LAMA3: variants seen among roughly 807,000 people sequenced by gnomAD.
The protein encoded by LAMA3 is laminin subunit alpha-3.
A neutral mutation model predicts 402.0 loss-of-function variants in LAMA3; 281 were observed. The observed-to-expected ratio is 0.70, with a 90% CI of 0.63 to 0.77. The LOEUF (loss-of-function observed/expected upper bound fraction) is 0.77. LAMA3 is among the 30% of genes least tolerant of loss of function. The probability of loss-of-function intolerance (pLI) is 0.00; values close to 1 mark genes in which losing one functional copy is unlikely to be tolerated. For missense variants in LAMA3, 3,840 were observed against 4,215.5 expected, an observed-to-expected ratio of 0.91 and a Z score of 2.47; for synonymous variants, 1,431 against 1,558.4, an observed-to-expected ratio of 0.92 and a Z score of 1.93.
chr18:23,834,296 G>A (rs747991525), intron 24 of LAMA3: 1 of 376,596 alleles, frequency 2.7e-6, no homozygotes, highest in African/African-American at 2.1e-5. Flanking sequence ...GCGATGCAAT[G>A]AACTCACTGC....
At position 23,747,970 on chromosome 18, in the gene LAMA3, A is replaced by C. The variant is rs769072031; in HGVS notation, c.475A>C (p.Lys159Gln). The C allele has an allele frequency of 6.2e-7, 1 of 1,610,198 alleles. No individual in the cohort carries two copies. The highest frequency in any genetic ancestry group is 1.7e-5 in the Admixed American group (1 of 60,016). ...QLFHVAYILIKFANSPRPDLW... is the reference protein window; with the variant it reads ...QLFHVAYILIQFANSPRPDLW... ...CTTCCATGTGGCCTATATTTTAATC[A>C]AATTTGCAAATTCTCCTCGCCCTGA... The change falls in exon 3 of 75, where the codon AAA becomes CAA. Residue 159 changes from lysine (K) to glutamine (Q), a missense_variant. Coordinates refer to ENST00000313654, the MANE Select transcript of LAMA3 (RefSeq NM_198129.4).
chr18:23,715,793 C>G (rs1458881788), intron 2 of LAMA3, among the ~76,000 whole-genome samples: 1 of 151,922 alleles, frequency 6.6e-6, no homozygotes, highest in Non-Finnish European at 1.5e-5. Context: ...AACAGTTAAG[C>G]ATAGAGTACA....
At chr18:23,930,180 G>T (rs2145389910) in intron 64 of LAMA3, among the ~76,000 whole-genome samples, 1 of 152,232 alleles carries the variant, frequency 6.6e-6, no homozygotes, top group South Asian at 2.1e-4. Flanking sequence ...AAACAAAATT[G>T]AAATGACAAG....
At chr18:23,891,686 A>T (rs927426802) in intron 42 of LAMA3, among the ~76,000 whole-genome samples, 1 of 152,196 alleles carries the variant, frequency 6.6e-6, no homozygotes, top group African/African-American at 2.4e-5. Context: ...ACCTTTAGCT[A>T]TGTGATAAGT....
chr18:23,896,007 T>A (rs1599029629), intron 44 of LAMA3, among the ~76,000 whole-genome samples: 1 of 152,326 alleles, frequency 6.6e-6, no homozygotes, highest in Non-Finnish European at 1.5e-5. Flanking sequence ...ATTTTCTGAT[T>A]TTCCTTGTGA....
intron 1 of LAMA3, among the ~76,000 whole-genome samples, chr18:23,708,189 C>G (rs1052333292): frequency 9.2e-5 from 14 of 152,154 alleles, no homozygotes; most frequent in African/African-American, 3.4e-4. Context: ...ATGTTATATA[C>G]TAAAGCTTCT....
intron 52 of LAMA3, among the ~76,000 whole-genome samples, chr18:23,905,830 T>C (rs1375280108): frequency 6.6e-6 from 1 of 152,208 alleles, no homozygotes; most frequent in Admixed American, 6.5e-5. Flanking sequence ...AGTGGCACAA[T>C]CATAGCTCAC....
intron 27 of LAMA3, among the ~76,000 whole-genome samples, chr18:23,841,784 T>C (rs563907230): frequency 1.3e-5 from 2 of 152,232 alleles, no homozygotes; most frequent in East Asian, 1.9e-4. Flanking sequence ...TACCCAGGCA[T>C]GATGGCACGT....
chr18:23,816,924 C>T (rs1045618239), intron 18 of LAMA3, among the ~76,000 whole-genome samples: 1 of 151,832 alleles, frequency 6.6e-6, no homozygotes, highest in African/African-American at 2.4e-5. Flanking sequence ...GGGGGCAGTG[C>T]GACATACCCA....
intron 5 of LAMA3, among the ~76,000 whole-genome samples, chr18:23,751,333 T>A (rs575953292): frequency 6.6e-6 from 1 of 152,172 alleles, no homozygotes; most frequent in Admixed American, 6.5e-5. Context: ...GTCAGCCTGG[T>A]ACTAGTCTGG....
Position 23,843,998 on chromosome 18 carries a change from C to G in LAMA3, c.3604-1011C>G, listed in dbSNP as rs112603227. On this transcript the variant is annotated intron_variant, in intron 29 of 74. Coordinates refer to ENST00000313654, the MANE Select transcript of LAMA3 (RefSeq NM_198129.4). ...TGCAAAGCCCTCCAGGAAGCATTGC[C>G]CAGACTCTCTGTGTGGCCCTCCAGG... Among the ~76,000 whole-genome samples, 303 of 152,268 alleles carry G rather than the reference C, an allele frequency of 2.0e-3. 1 individual carries two copies. The highest frequency in any genetic ancestry group is 6.5e-3 in the African/African-American group (272 of 41,534).
chr18:23,853,335 G>A (rs1359342234), intron 32 of LAMA3, among the ~76,000 whole-genome samples: 7 of 152,108 alleles, frequency 4.6e-5, no homozygotes, highest in Admixed American at 1.3e-4. Context: ...GTGCAGTGGC[G>A]TGATCTCGGC....
At chr18:23,904,467 A>C in intron 50 of LAMA3, 86 bp from the exon 51 acceptor site, 1 of 1,366,596 alleles carries the variant, frequency 7.3e-7, no homozygotes, top group Non-Finnish European at 1.0e-6. Context: ...AGAAAAAATA[A>C]AAAGAAGAAA....
intron 26 of LAMA3, 80 bp downstream of exon 26, chr18:23,838,958 A>G (rs1240552106): frequency 3.4e-6 from 3 of 876,524 alleles, no homozygotes; most frequent in East Asian, 2.4e-5. Flanking sequence ...TTTATACTCA[A>G]CGTCAGAAAT....
chr18:23,826,901 A>G (rs948926629), intron 22 of LAMA3, 102 bp downstream of exon 22: 6 of 730,218 alleles, frequency 8.2e-6, no homozygotes, highest in South Asian at 1.5e-5. Context: ...CAACGACAGC[A>G]TGATGCTCTG....
At chr18:23,948,791 A>G (rs918937218) in intron 70 of LAMA3, among the ~76,000 whole-genome samples, 2 of 151,992 alleles carry the variant, frequency 1.3e-5, no homozygotes, top group Non-Finnish European at 2.9e-5. Context: ...GCTGGCCTCA[A>G]ACTCCTGACC....
At chr18:23,892,180 G>A (rs1192790494) in intron 42 of LAMA3, among the ~76,000 whole-genome samples, 1 of 152,196 alleles carries the variant, frequency 6.6e-6, no homozygotes, top group Non-Finnish European at 1.5e-5. Context: ...AATTTCTCCT[G>A]TCACTGGAGG....
Position 23,954,764 on chromosome 18 carries a change from T to C in LAMA3, c.*116T>C, listed in dbSNP as rs1007379855. On this transcript the variant is annotated 3_prime_UTR_variant, in exon 75 of 75. Coordinates refer to ENST00000313654, the MANE Select transcript of LAMA3 (RefSeq NM_198129.4). ...CAGGACACAAACCAGACAGGTTTAA[T>C]AGCGAATCTAATTTTGAATTCTGAC... is the stretch of plus-strand genomic sequence containing the variant. 3 of 1,111,938 alleles carry C rather than the reference T, an allele frequency of 2.7e-6. No homozygotes were observed. In the African/African-American group the frequency reaches 4.6e-5, roughly 17 times the overall value. 68.9% of individuals were successfully genotyped at this position (1,111,938 alleles called of 1,614,324 possible).
At chr18:23,782,987 C>A (rs2062466950) in intron 11 of LAMA3, among the ~76,000 whole-genome samples, 1 of 152,134 alleles carries the variant, frequency 6.6e-6, no homozygotes, top group African/African-American at 2.4e-5. Context: ...TCTTAAGTCA[C>A]CCCAAAACTT....
Sources: allele counts gnomAD v4.1 joint callset (sites outside exome capture counted in the v4.1 genomes callset), GRCh38; gene constraint gnomAD v4.1.1; transcripts MANE v1.5; gene names NCBI Gene and HGNC (gene_info 2026-07-23, HGNC 2026-07-21).